The following MILR1 variants were observed in gnomAD, a reference collection of about 807,000 sequenced individuals.
MILR1 encodes mast cell immunoglobulin like receptor 1.
In MILR1, 31 loss-of-function variants were observed where a neutral mutation model predicts 18.5. That is an observed-to-expected ratio of 1.68 (90% CI 1.26 to 2.26). The LOEUF is 2.26. Among genes scored for constraint, MILR1 ranks in the 30% most tolerant of loss-of-function variants. MILR1 has a pLI of 0.00. For synonymous variants in MILR1, 85 were observed against 56.2 expected (o/e 1.51, Z -2.30); for missense variants, 257 against 157.4 (o/e 1.63, Z -3.38).
the MILR1 span, chr17:64,497,057 C>T: frequency 6.8e-6 from 9 of 1,330,956 alleles, no homozygotes; most frequent in East Asian, 1.2e-4. Context: ...GGAGAGGCCA[C>T]GGCGCAGGCG....
At chr17:64,483,298 G>A in the MILR1 span, among the ~76,000 whole-genome samples, 5 of 152,032 alleles carry the variant, frequency 3.3e-5, no homozygotes, top group African/African-American at 1.2e-4. Flanking sequence ...TGGATTCCTT[G>A]AGCTCAGGAG....
chr17:64,492,525 T>G, the MILR1 span: 1 of 634,666 alleles, frequency 1.6e-6, no homozygotes, highest in Non-Finnish European at 2.8e-6. Flanking sequence ...ATGAAAATTG[T>G]TACAAAGAGT....
chr17:64,482,925 T>G, the MILR1 span: 1 of 1,566,722 alleles, frequency 6.4e-7, no homozygotes, highest in Non-Finnish European at 8.8e-7. Context: ...TCACCTGTCT[T>G]AGTTCCAATG....
chr17:64,487,092 AAG>A, the MILR1 span: 1 of 152,206 alleles, frequency 6.6e-6, no homozygotes, highest in Non-Finnish European at 1.5e-5. Context: ...ACAAAAAAAA[AAG>A]AGAGAAAACC....
intron 2 of MILR1, among the ~76,000 whole-genome samples, chr17:64,450,174 G>A (rs1318803239): frequency 7.2e-5 from 11 of 152,062 alleles, no homozygotes; most frequent in Non-Finnish European, 1.2e-4. Context: ...TCCTGACCTC[G>A]TGATCCGCCC....
At chr17:64,449,647 A>G (rs1373707076) in intron 2 of MILR1, among the ~76,000 whole-genome samples, 1 of 152,172 alleles carries the variant, frequency 6.6e-6, no homozygotes, top group Admixed American at 6.6e-5. Context: ...TAGAAAGCCA[A>G]CACACAGGCT....
At chr17:64,478,122 A>C in the MILR1 span, 3 of 819,622 alleles carry the variant, frequency 3.7e-6, no homozygotes, top group African/African-American at 3.5e-5. Flanking sequence ...GACCAAAAAA[A>C]CCCAACATTT....
At chr17:64,481,284 C>T in the MILR1 span, 8,016 of 985,298 alleles carry the variant, frequency 8.1e-3, 517 homozygotes, top group African/African-American at 0.13. Flanking sequence ...TTATCTTCTC[C>T]TTCTTTGAGC....
the MILR1 span, among the ~76,000 whole-genome samples, chr17:64,476,846 A>T: frequency 7.0e-5 from 9 of 128,280 alleles, no homozygotes; most frequent in East Asian, 2.0e-4. Context: ...AAATTAAAAT[A>T]AAAAAAAAAA....
chr17:64,496,463 G>C, the MILR1 span: 1 of 1,599,248 alleles, frequency 6.3e-7, no homozygotes, highest in African/African-American at 1.3e-5. Context: ...CTCAAGAAAT[G>C]CTACTAGCTG....
At chr17:64,492,766 A>G in the MILR1 span, 1 of 1,609,842 alleles carries the variant, frequency 6.2e-7, no homozygotes, top group African/African-American at 1.3e-5. Flanking sequence ...CAGTCTTCTC[A>G]CCAATACTTT....
At chr17:64,485,792 T>G in the MILR1 span, 1 of 1,611,188 alleles carries the variant, frequency 6.2e-7, no homozygotes, top group Middle Eastern at 1.7e-4. Flanking sequence ...ATCATAGAGG[T>G]AGGCCAGCAT....
the MILR1 span, chr17:64,484,180 A>T: frequency 6.6e-6 from 1 of 152,306 alleles, no homozygotes; most frequent in Non-Finnish European, 1.5e-5. Flanking sequence ...TAAAAAAGGA[A>T]GAAGATGGAA....
At chr17:64,490,528 C>T in the MILR1 span, 2 of 449,314 alleles carry the variant, frequency 4.5e-6, no homozygotes, top group Non-Finnish European at 8.2e-6. Context: ...AGGCATATGA[C>T]AACTACATGA....
At chr17:64,493,073 C>G in the MILR1 span, 1 of 1,591,056 alleles carries the variant, frequency 6.3e-7, no homozygotes, top group Non-Finnish European at 8.6e-7. Flanking sequence ...AAACCCAAAT[C>G]ATTTTTGTCA....
the MILR1 span, chr17:64,496,753 G>C: frequency 1.2e-6 from 2 of 1,614,032 alleles, no homozygotes; most frequent in African/African-American, 1.3e-5. Flanking sequence ...TTCTCTGACA[G>C]ATCTCTAACA....
the MILR1 span, chr17:64,490,777 A>C: frequency 1.9e-6 from 3 of 1,593,216 alleles, no homozygotes; most frequent in African/African-American, 1.3e-5. Flanking sequence ...AATACATAGG[A>C]GCTCCAGGTA....
At chr17:64,449,549 CAGTG>C (rs1412842909) in intron 2 of MILR1, among the ~76,000 whole-genome samples, 194 bp downstream of exon 2, 2 of 152,056 alleles carry the variant, frequency 1.3e-5, no homozygotes, top group African/African-American at 2.4e-5. Flanking sequence ...TTCTGAGACT[CAGTG>C]AGAAAAATAA....
the MILR1 span, among the ~76,000 whole-genome samples, chr17:64,475,581 G>A: frequency 6.6e-6 from 1 of 150,968 alleles, no homozygotes; most frequent in Non-Finnish European, 1.5e-5. Context: ...CCTCGGAGGC[G>A]GAGGTTGCAG....
Sources: gnomAD v4.1 joint callset for allele counts (sites outside exome capture counted in the v4.1 genomes callset) on GRCh38, gnomAD v4.1.1 for gene constraint, MANE v1.5 for transcripts, NCBI Gene and HGNC (gene_info 2026-07-23, HGNC 2026-07-21) for gene names.